Variants in CCDC178 observed in about 807,000 individuals in gnomAD.
CCDC178 encodes the protein coiled-coil domain containing 178, also known as coiled-coil domain-containing protein 178.
Under a neutral mutation model 117.4 loss-of-function variants are expected in CCDC178, and 126 were observed. That is an observed-to-expected ratio of 1.07 (90% CI 0.93 to 1.24). The LOEUF is 1.24. CCDC178 is among the 50% of genes most tolerant of loss of function. The pLI, the probability that CCDC178 is intolerant of heterozygous loss-of-function variation, is 0.00. For missense variants in CCDC178, 1,030 were observed against 986.9 expected (o/e 1.04, Z -0.59); for synonymous variants, 283 against 313.4 (o/e 0.90, Z 1.02).
chr18:33,193,391 C>A (rs1186947147), intron 20 of CCDC178, among the ~76,000 whole-genome samples: 17 of 149,524 alleles, frequency 1.1e-4, no homozygotes, highest in Non-Finnish European at 1.9e-4. Flanking sequence ...CAATTAATGA[C>A]TTTGTTAAAT....
At chr18:33,238,507 A>T (rs1224543846) in intron 15 of CCDC178, among the ~76,000 whole-genome samples, 1 of 151,816 alleles carries the variant, frequency 6.6e-6, no homozygotes, top group South Asian at 2.1e-4. Flanking sequence ...TAAATGAAAT[A>T]AAAAAAATAG....
chr18:33,005,891 A>G (rs1202505025), intron 21 of CCDC178, among the ~76,000 whole-genome samples: 2 of 152,114 alleles, frequency 1.3e-5, no homozygotes, highest in South Asian at 2.1e-4. Flanking sequence ...GCATAATATC[A>G]AATGTAAACA....
Position 33,223,195 on chromosome 18 carries a change from T to A in CCDC178, c.1843A>T (p.Lys615Ter). 6.2e-7 allele frequency: 1 copy of A among 1,604,486 alleles called. No individual in the cohort carries two copies. The highest frequency in any genetic ancestry group is 2.2e-5 in the East Asian group (1 of 44,582). ...CCCACCTTTCTTCTAATAAGATCTTTCTGATCAATTATATTATTAAGCATC... is the reference window on the plus strand; with the variant it reads ...CCCACCTTTCTTCTAATAAGATCTTACTGATCAATTATATTATTAAGCATC... ...SVMLNNIIDQ[K>*]DLIRRKVGKV... The change falls in exon 18 of 23, where the codon AAA (lysine) becomes TAA (stop). Residue 615 changes from lysine (K) to a stop codon, truncating the protein, a stop_gained. Coordinates refer to ENST00000383096, the MANE Select transcript of CCDC178 (RefSeq NM_001105528.4). LOFTEE classifies it high-confidence loss of function.
intron 9 of CCDC178, among the ~76,000 whole-genome samples, chr18:33,342,146 G>A (rs1014776535): frequency 3.3e-5 from 5 of 152,100 alleles, no homozygotes; most frequent in African/African-American, 1.2e-4. Context: ...AATTGAAGAT[G>A]AGATTACTGT....
chr18:33,088,760 T>A (rs896570129), intron 21 of CCDC178, among the ~76,000 whole-genome samples: 24 of 152,260 alleles, frequency 1.6e-4, no homozygotes, highest in Non-Finnish European at 1.5e-5. Flanking sequence ...TTAAAAGAGA[T>A]GCTTACATCT....
intron 11 of CCDC178, among the ~76,000 whole-genome samples, chr18:33,310,515 CCATCG>C (rs2062325890): frequency 6.6e-6 from 1 of 151,756 alleles, no homozygotes; most frequent in Admixed American, 6.6e-5. Context: ...AGCTGAAACC[CCATCG>C]CTACAAGAAA....
intron 22 of CCDC178, among the ~76,000 whole-genome samples, chr18:32,942,252 T>C (rs560768570): frequency 6.6e-6 from 1 of 152,268 alleles, no homozygotes; most frequent in East Asian, 1.9e-4. Flanking sequence ...CTCACATCAA[T>C]TTCATTTTGA....
At chr18:33,376,935 A>G (rs2063375203) in intron 5 of CCDC178, among the ~76,000 whole-genome samples, 1 of 152,194 alleles carries the variant, frequency 6.6e-6, no homozygotes, top group Non-Finnish European at 1.5e-5. Context: ...TCTTTTTGGT[A>G]GAATGATTTA....
chr18:33,259,502 G>A (rs1161332739), intron 14 of CCDC178, among the ~76,000 whole-genome samples: 1 of 152,172 alleles, frequency 6.6e-6, no homozygotes, highest in Non-Finnish European at 1.5e-5. Flanking sequence ...GGAAGGCAAA[G>A]GGGAGGCAAG....
chr18:33,086,957 T>G (rs2057387472), intron 21 of CCDC178, among the ~76,000 whole-genome samples: 2 of 130,034 alleles, frequency 1.5e-5, no homozygotes, highest in African/African-American at 5.9e-5. Flanking sequence ...GGGAACAAAA[T>G]AGCTATTGGT....
At chr18:32,952,627 T>C (rs1344553200) in intron 22 of CCDC178, among the ~76,000 whole-genome samples, 1 of 152,206 alleles carries the variant, frequency 6.6e-6, no homozygotes, top group Non-Finnish European at 1.5e-5. Context: ...GTCTCTAACA[T>C]GCCCTGGAGA....
At chr18:33,279,541 A>G (rs1028456215) in intron 12 of CCDC178, among the ~76,000 whole-genome samples, 5 of 152,200 alleles carry the variant, frequency 3.3e-5, no homozygotes, top group Admixed American at 3.3e-4. Context: ...GGTAATTGAT[A>G]GATTCAATGC....
At chr18:32,988,421 G>A (rs184370204) in intron 21 of CCDC178, among the ~76,000 whole-genome samples, 6 of 152,222 alleles carry the variant, frequency 3.9e-5, no homozygotes, top group African/African-American at 1.4e-4. Context: ...GGGCTACGGA[G>A]TAAGACTCCA....
At chr18:33,405,867 G>A (rs2063773068) in intron 3 of CCDC178, among the ~76,000 whole-genome samples, 1 of 152,070 alleles carries the variant, frequency 6.6e-6, no homozygotes, top group African/African-American at 2.4e-5. Context: ...TACTGATGAT[G>A]CAGATACAGT....
chr18:33,090,169 G>A (rs2057441658), intron 21 of CCDC178, among the ~76,000 whole-genome samples: 1 of 151,974 alleles, frequency 6.6e-6, no homozygotes, highest in Admixed American at 6.6e-5. Context: ...GTCAAGTAAG[G>A]GGACATTATT....
At chr18:33,410,451 T>A (rs1450981452) in intron 3 of CCDC178, among the ~76,000 whole-genome samples, 1 of 151,720 alleles carries the variant, frequency 6.6e-6, no homozygotes, top group Non-Finnish European at 1.5e-5. Flanking sequence ...TGAAATAACA[T>A]TTTTTTTCAA....
intron 15 of CCDC178, among the ~76,000 whole-genome samples, chr18:33,244,704 G>A (rs1380801273): frequency 6.6e-6 from 1 of 151,850 alleles, no homozygotes; most frequent in East Asian, 1.9e-4. Context: ...CGTGAGAATG[G>A]ACTAATACAA....
In CCDC178 at chr18:33,357,898, C is replaced by A. The variant is rs558742093; in HGVS notation, c.349-1552G>T. 7.0e-4 allele frequency among the ~76,000 whole-genome samples: 106 copies of A among 151,796 alleles called. 1 individual carries two copies. The highest frequency in any genetic ancestry group is 1.3e-3 in the Non-Finnish European group (85 of 67,898). On this transcript the variant is annotated intron_variant, in intron 6 of 22. Coordinates refer to ENST00000383096, the MANE Select transcript of CCDC178 (RefSeq NM_001105528.4). ...AATATATACATATATAGTCATGTGT[C>A]ACTAATGACAGTGATACATTCTCAG...
At position 33,286,032 on chromosome 18, in the gene CCDC178, G is replaced by A. The variant is rs1002170729; in HGVS notation, c.1176+7127C>T. On this transcript the variant is annotated intron_variant, in intron 12 of 22. Coordinates refer to ENST00000383096, the MANE Select transcript of CCDC178 (RefSeq NM_001105528.4). ...TCTGTCACCCAGGCTGGAGTGCAGT[G>A]GTGCAATCTTGGCTCATTGCAACCT... is the stretch of plus-strand genomic sequence containing the variant. Among the ~76,000 whole-genome samples, 4 of 147,046 alleles carry A rather than the reference G, an allele frequency of 2.7e-5. No homozygotes were observed. The East Asian group carries it at 6.1e-4, about 22-fold the overall frequency.
Sources: allele counts gnomAD v4.1 joint callset (sites outside exome capture counted in the v4.1 genomes callset), GRCh38; gene constraint gnomAD v4.1.1; transcripts MANE v1.5; gene names NCBI Gene and HGNC (gene_info 2026-07-23, HGNC 2026-07-21).